The following CDC73 variants were observed in gnomAD, a reference collection of about 807,000 sequenced individuals.
CDC73 encodes the protein parafibromin.
CDC73 carries 21 observed loss-of-function variants against 83.7 expected under a neutral mutation model. That is an observed-to-expected ratio of 0.25 (90% CI 0.18 to 0.36). The LOEUF is 0.36. CDC73 is among the 10% of genes least tolerant of loss of function. CDC73 has a pLI of 1.00. For synonymous variants in CDC73, 224 were observed against 212.9 expected (o/e 1.05, Z -0.45); for missense variants, 342 against 653.3 (o/e 0.52, Z 5.19).
At chr1:193,188,541 T>C (rs1428820608) in intron 10 of CDC73, among the ~76,000 whole-genome samples, 2 of 151,764 alleles carry the variant, frequency 1.3e-5, no homozygotes, top group African/African-American at 2.4e-5. Flanking sequence ...CAGGTACATA[T>C]TGATTAACTA....
Position 193,125,336 on chromosome 1 carries a change from G to A in CDC73, c.237+119G>A, listed in dbSNP as rs1376581403. On this transcript the variant is annotated intron_variant, in intron 2 of 16. Coordinates refer to ENST00000367435, the MANE Select transcript of CDC73 (RefSeq NM_024529.5). Reference sequence around the variant, plus strand: ...TGCAGTGGTGTGATCATAGCTCATTGCAGCCTCGAACTCCTAGGCTCAAGT... The same window carrying A: ...TGCAGTGGTGTGATCATAGCTCATTACAGCCTCGAACTCCTAGGCTCAAGT... 7.0e-6 allele frequency: 5 copies of A among 709,718 alleles called. No homozygotes were observed. The East Asian group carries it at 1.1e-4, about 15-fold the overall frequency. 44.0% of individuals were successfully genotyped at this position (709,718 alleles called of 1,614,324 possible).
chr1:193,156,978 A>G (rs201521508), intron 10 of CDC73, among the ~76,000 whole-genome samples: 1 of 152,198 alleles, frequency 6.6e-6, no homozygotes, highest in East Asian at 1.9e-4. Flanking sequence ...AATTGTGACT[A>G]TGACAAGTGT....
chr1:193,171,301 T>C (rs533012565), intron 10 of CDC73, among the ~76,000 whole-genome samples: 2 of 152,308 alleles, frequency 1.3e-5, no homozygotes, highest in Admixed American at 6.5e-5. Context: ...AACATTCTCT[T>C]ACAGTTCTGT....
In CDC73 at chr1:193,249,782, G is replaced by C; in HGVS notation, c.1470G>C (p.Gln490His). Residue 490 changes from glutamine (Q) to histidine (H), a missense_variant, in exon 16 of 17, where the codon CAG (glutamine) becomes CAC (histidine). By Grantham distance (24) the Gln-to-His change is conservative. Transcript: ENST00000367435. Reference sequence around the variant, plus strand: ...AAGTTCGTCTGGATCCAAATGTTCAGAAATGGGATGTAACAGTATTAGAAC... The same window carrying C: ...AAGTTCGTCTGGATCCAAATGTTCACAAATGGGATGTAACAGTATTAGAAC... The part of the protein sequence containing the change: ...YDEVRLDPNV[Q>H]KWDVTVLELS... 1 of 1,610,688 alleles carries C rather than the reference G, an allele frequency of 6.2e-7. No homozygotes were observed. Among genetic ancestry groups the C allele is most frequent in the African/African-American group, 1.3e-5 (1 of 74,932 alleles).
intron 10 of CDC73, among the ~76,000 whole-genome samples, chr1:193,174,935 T>C (rs1367492081): frequency 6.6e-6 from 1 of 152,246 alleles, no homozygotes; most frequent in Non-Finnish European, 1.5e-5. Flanking sequence ...AGAGTGAGAC[T>C]GTTTCATTGA....
At chr1:193,180,105 G>T in intron 10 of CDC73, 1 of 482,766 alleles carries the variant, frequency 2.1e-6, no homozygotes. Flanking sequence ...GATTGTTTTG[G>T]GAAACCTTTT....
intron 10 of CDC73, among the ~76,000 whole-genome samples, chr1:193,183,013 C>G (rs1292213711): frequency 6.6e-6 from 1 of 151,452 alleles, no homozygotes; most frequent in East Asian, 1.9e-4. Flanking sequence ...TGTATTTAGC[C>G]TGTGATAATG....
intron 3 of CDC73, 132 bp downstream of exon 3, chr1:193,130,375 G>A (rs959118016): frequency 2.8e-6 from 2 of 714,372 alleles, no homozygotes; most frequent in East Asian, 2.7e-5. Flanking sequence ...TTGTCCATGT[G>A]CTCACCTTTT....
intron 10 of CDC73, among the ~76,000 whole-genome samples, chr1:193,164,544 G>A (rs1676402366): frequency 6.6e-6 from 1 of 152,104 alleles, no homozygotes; most frequent in Non-Finnish European, 1.5e-5. Flanking sequence ...TCTGTGTAAA[G>A]CTACATTGGA....
At chr1:193,244,084 T>G (rs1037693573) in intron 15 of CDC73, among the ~76,000 whole-genome samples, 8 of 152,200 alleles carry the variant, frequency 5.3e-5, no homozygotes, top group Non-Finnish European at 1.0e-4. Flanking sequence ...AGCTTAACAT[T>G]TGTACATGCA....
intron 7 of CDC73, among the ~76,000 whole-genome samples, chr1:193,146,980 T>A (rs551675528): frequency 6.6e-6 from 1 of 152,106 alleles, no homozygotes; most frequent in African/African-American, 2.4e-5. Context: ...TTTTGACAAA[T>A]GTATTTATAT....
At chr1:193,210,774 C>G (rs1303456190) in intron 11 of CDC73, among the ~76,000 whole-genome samples, 1 of 151,948 alleles carries the variant, frequency 6.6e-6, no homozygotes, top group African/African-American at 2.4e-5. Context: ...TGATCACAAT[C>G]AATCATATGG....
intron 7 of CDC73, among the ~76,000 whole-genome samples, chr1:193,144,945 C>T (rs1257510068): frequency 6.6e-6 from 1 of 151,776 alleles, no homozygotes; most frequent in South Asian, 2.1e-4. Context: ...TTTCTTTATG[C>T]TGCTGTCACC....
At chr1:193,237,873 C>T (rs1677790616) in intron 15 of CDC73, among the ~76,000 whole-genome samples, 1 of 152,074 alleles carries the variant, frequency 6.6e-6, no homozygotes, top group African/African-American at 2.4e-5. Flanking sequence ...CGGCAACTGA[C>T]ATTATGATAG....
At chr1:193,131,220 A>AGG (rs149587700) in intron 3 of CDC73, among the ~76,000 whole-genome samples, 1 of 151,918 alleles carries the variant, frequency 6.6e-6, no homozygotes, top group Non-Finnish European at 1.5e-5. Flanking sequence ...CCTCACACAG[A>AGG]ACAAAAACAA....
At chr1:193,181,420 C>A in intron 10 of CDC73, 1 of 1,614,028 alleles carries the variant, frequency 6.2e-7, no homozygotes, top group South Asian at 1.1e-5. Context: ...GCCTGGCAGC[C>A]AGTCATGATG....
chr1:193,123,308 A>G (rs946432411), intron 1 of CDC73, among the ~76,000 whole-genome samples: 4 of 152,162 alleles, frequency 2.6e-5, no homozygotes, highest in Non-Finnish European at 4.4e-5. Flanking sequence ...GCTCACTGCA[A>G]TCTTTGCCTC....
chr1:193,171,677 C>A (rs1310338077), intron 10 of CDC73, among the ~76,000 whole-genome samples: 5 of 152,100 alleles, frequency 3.3e-5, no homozygotes, highest in Non-Finnish European at 7.4e-5. Flanking sequence ...TCTTAAGGGT[C>A]CATGTGATTA....
At chr1:193,152,810 C>G (rs913647712) in intron 10 of CDC73, among the ~76,000 whole-genome samples, 2 of 151,918 alleles carry the variant, frequency 1.3e-5, no homozygotes, top group Admixed American at 6.6e-5. Flanking sequence ...GACAGAGTCT[C>G]GCTCTGTCGC....
Sources: allele counts gnomAD v4.1 joint callset (sites outside exome capture counted in the v4.1 genomes callset), GRCh38; gene constraint gnomAD v4.1.1; transcripts MANE v1.5; gene names NCBI Gene and HGNC (gene_info 2026-07-23, HGNC 2026-07-21).